Variants in NFKB1 observed in about 807,000 individuals in gnomAD.
The protein encoded by NFKB1 is nuclear factor kappa B subunit 1, also known as nuclear factor NF-kappa-B p105 subunit.
In NFKB1, 9 loss-of-function variants were observed where a neutral mutation model predicts 105.1. That is an observed-to-expected ratio of 0.09 (90% CI 0.05 to 0.15). The LOEUF is 0.15. Ranked by LOEUF, NFKB1 falls within the 10% of genes least tolerant of loss-of-function variation. The pLI, the probability that NFKB1 is intolerant of heterozygous loss-of-function variation, is 1.00. For synonymous variants in NFKB1, 440 were observed against 442.2 expected (o/e 1.00, Z 0.06); for missense variants, 830 against 1,203.7 (o/e 0.69, Z 4.59).
intron 8 of NFKB1, 79 bp from the exon 9 acceptor site, chr4:102,580,455 AG>A: frequency 9.0e-7 from 1 of 1,108,488 alleles, no homozygotes; most frequent in South Asian, 1.3e-5. Context: ...ATGTGTGCTA[AG>A]GGGAGGGTCC....
chr4:102,588,832 G>A (rs987470903), intron 11 of NFKB1, among the ~76,000 whole-genome samples: 3 of 152,198 alleles, frequency 2.0e-5, no homozygotes, highest in East Asian at 3.9e-4. Flanking sequence ...TGTGACCTCA[G>A]ATAAGTCACC....
At chr4:102,583,068 C>T in intron 10 of NFKB1, 111 bp downstream of exon 10, 3 of 662,956 alleles carry the variant, frequency 4.5e-6, no homozygotes, top group Non-Finnish European at 7.5e-6. Flanking sequence ...TATCCCCCAA[C>T]TGTTGGGCTT....
In NFKB1 at chr4:102,587,980, C is replaced by G. The variant is rs544125296; in HGVS notation, c.1066+3160C>G. 1.1e-4 allele frequency among the ~76,000 whole-genome samples: 16 copies of G among 152,294 alleles called. No individual in the cohort carries two copies. The South Asian group carries it at 3.3e-3, about 32-fold the overall frequency. On this transcript the variant is annotated intron_variant, in intron 11 of 23. Transcript: ENST00000226574. ...CATTGAACACACTTTTCCTTACCCC[C>G]AGTCTCTGTAGTCATTCCCTATCTC...
intron 1 of NFKB1, among the ~76,000 whole-genome samples, chr4:102,507,720 A>G (rs138938187): frequency 5.3e-4 from 80 of 152,346 alleles, no homozygotes; most frequent in Middle Eastern, 6.8e-3. Context: ...ATAATGTCCC[A>G]TTTTAAAAAG....
Position 102,613,465 on chromosome 4 carries a change from G to A in NFKB1, c.2633G>A (p.Arg878Lys). Reference sequence around the variant, plus strand: ...GTCAGAGAGCTGGTGGAGGCCCTGAGACAAATGGGCTACACCGAAGCAATT... The same window carrying A: ...GTCAGAGAGCTGGTGGAGGCCCTGAAACAAATGGGCTACACCGAAGCAATT... The part of the protein sequence containing the change: ...GTVRELVEAL[R>K]QMGYTEAIEV... Residue 878 changes from arginine to lysine, a missense_variant, in exon 23 of 24, where the codon AGA becomes AAA. This residue lies in a region of NFKB1 where 418 missense variants were observed against 575.3 expected (regional missense o/e 0.73). Coordinates refer to ENST00000226574, the MANE Select transcript of NFKB1 (RefSeq NM_003998.4). The A allele has an allele frequency of 6.2e-7, 1 of 1,613,922 alleles. No individual in the cohort carries two copies. Among genetic ancestry groups the A allele is most frequent in the Non-Finnish European group, 8.5e-7 (1 of 1,179,992 alleles).
chr4:102,587,369 C>T (rs3774956), intron 11 of NFKB1, among the ~76,000 whole-genome samples: 63,346 of 151,790 alleles, frequency 0.42, 13,377 homozygotes, highest in Admixed American at 0.49. Context: ...TCAAATAATG[C>T]CAGTTTTTGC....
intron 1 of NFKB1, among the ~76,000 whole-genome samples, chr4:102,514,697 T>A (rs1740009215): frequency 6.6e-6 from 1 of 152,224 alleles, no homozygotes; most frequent in African/African-American, 2.4e-5. Flanking sequence ...AAATCTTAAC[T>A]GTAATTGTGG....
At chr4:102,518,452 G>C (rs922972671) in intron 1 of NFKB1, among the ~76,000 whole-genome samples, 2 of 152,014 alleles carry the variant, frequency 1.3e-5, no homozygotes, top group Non-Finnish European at 2.9e-5. Flanking sequence ...AACAAAGTGT[G>C]ATCACTGAAT....
At chr4:102,611,281 C>A (rs573546254) in intron 20 of NFKB1, among the ~76,000 whole-genome samples, 2 of 152,150 alleles carry the variant, frequency 1.3e-5, no homozygotes, top group South Asian at 2.1e-4. Context: ...CTTCTAGAGA[C>A]GAGAGCTGCT....
chr4:102,607,033 T>C lies in NFKB1; in HGVS notation c.1955-117T>C, dbSNP rs138727961. Reference sequence around the variant, plus strand: ...TCTTCAAAGCAGAACAATAGACTTATAGTATCTTTACTGTCCCTCCCCATG... The same window carrying C: ...TCTTCAAAGCAGAACAATAGACTTACAGTATCTTTACTGTCCCTCCCCATG... On this transcript the variant is annotated intron_variant, in intron 17 of 23. Transcript: ENST00000226574. 47 of 982,694 alleles carry C rather than the reference T, an allele frequency of 4.8e-5. No individual in the cohort carries two copies. The Middle Eastern group carries it at 7.8e-4, about 16-fold the overall frequency. The allele number at this position is 982,694 out of a possible 1,614,324, so 60.9% of individuals were successfully genotyped here.
chr4:102,532,787 C>G (rs1482323237), intron 3 of NFKB1, among the ~76,000 whole-genome samples: 2 of 152,160 alleles, frequency 1.3e-5, no homozygotes, highest in African/African-American at 4.8e-5. Flanking sequence ...TACAAGCATT[C>G]TCCTAAAATA....
chr4:102,588,397 G>C (rs980604040), intron 11 of NFKB1, among the ~76,000 whole-genome samples: 23 of 151,460 alleles, frequency 1.5e-4, no homozygotes, highest in African/African-American at 5.6e-4. Flanking sequence ...TCAAGAGAAG[G>C]ATGATTGGCA....
At chr4:102,508,754 C>T (rs1337858123) in intron 1 of NFKB1, among the ~76,000 whole-genome samples, 2 of 152,008 alleles carry the variant, frequency 1.3e-5, no homozygotes, top group Non-Finnish European at 2.9e-5. Flanking sequence ...AAAGATTGGT[C>T]AAAGCAAAGG....
At chr4:102,524,197 C>T (rs1002796625) in intron 1 of NFKB1, among the ~76,000 whole-genome samples, 4 of 152,038 alleles carry the variant, frequency 2.6e-5, no homozygotes, top group African/African-American at 9.6e-5. Context: ...GGAAGTAAAT[C>T]TCAAATGATA....
intron 19 of NFKB1, 62 bp downstream of exon 19, chr4:102,607,813 A>G (rs1378867032): frequency 7.1e-7 from 1 of 1,410,470 alleles, no homozygotes; most frequent in African/African-American, 1.4e-5. Context: ...ACCCAACTTC[A>G]ATAGAGCAGT....
At chr4:102,556,302 G>A (rs186952800) in intron 5 of NFKB1, among the ~76,000 whole-genome samples, 39 of 152,254 alleles carry the variant, frequency 2.6e-4, no homozygotes, top group African/African-American at 8.7e-4. Context: ...TTAAAAAGAA[G>A]ATGAGAACAT....
At chr4:102,607,513 T>A in intron 18 of NFKB1, 136 bp from the exon 19 acceptor site, 1 of 1,135,964 alleles carries the variant, frequency 8.8e-7, no homozygotes, top group Non-Finnish European at 1.3e-6. Context: ...AACTGGGGAT[T>A]TCTTCAATGA....
intron 5 of NFKB1, among the ~76,000 whole-genome samples, chr4:102,541,196 C>G (rs1439232072): frequency 6.6e-6 from 1 of 152,152 alleles, no homozygotes; most frequent in Non-Finnish European, 1.5e-5. Flanking sequence ...TCCACATTGA[C>G]AAATGTCCCC....
intron 5 of NFKB1, among the ~76,000 whole-genome samples, chr4:102,551,220 T>G (rs552632339): frequency 8.5e-5 from 13 of 152,330 alleles, no homozygotes; most frequent in African/African-American, 3.1e-4. Flanking sequence ...CACATGAATG[T>G]GATCATCTTT....
Sources: gnomAD v4.1 joint callset for allele counts (sites outside exome capture counted in the v4.1 genomes callset) on GRCh38, gnomAD v4.1.1 for gene constraint, gnomAD v4.1.1 regional missense constraint, MANE v1.5 for transcripts, NCBI Gene and HGNC (gene_info 2026-07-23, HGNC 2026-07-21) for gene names.